HCN2: variants seen among roughly 807,000 people sequenced by gnomAD.
HCN2 encodes hyperpolarization activated cyclic nucleotide gated potassium and sodium channel 2, also known as potassium/sodium hyperpolarization-activated cyclic nucleotide-gated channel 2.
A neutral mutation model predicts 52.3 loss-of-function variants in HCN2; 20 were observed. That is an observed-to-expected ratio of 0.38 (90% CI 0.27 to 0.56). HCN2 has a LOEUF of 0.56. Among genes scored for constraint, HCN2 ranks in the 20% least tolerant of loss-of-function variants. The pLI is 0.71. For synonymous variants in HCN2, 694 were observed against 537.0 expected (o/e 1.29, Z -4.04); for missense variants, 981 against 1,207.7 (o/e 0.81, Z 2.78).
chr19:606,776 C>T (rs749570782), intron 3 of HCN2, among the ~76,000 whole-genome samples: 5 of 151,428 alleles, frequency 3.3e-5, no homozygotes, highest in Non-Finnish European at 7.4e-5. Context: ...CGCTTGAACC[C>T]GGGAGCAGAG....
rs1983883213 is a variant in HCN2 at position 615,872 on chromosome 19, A to G, written c.2068A>G (p.Ile690Val). The G allele has an allele frequency of 1.9e-6, 3 of 1,613,080 alleles. No individual in the cohort carries two copies. The highest frequency in any genetic ancestry group is 2.5e-6 in the Non-Finnish European group (3 of 1,179,894). Reference sequence around the variant, plus strand: ...CGTATTCAACAACCAGGAGAACGCCATCATCCAGGAGATCGTCAAGTACGA... The same window carrying G: ...CGTATTCAACAACCAGGAGAACGCCGTCATCCAGGAGATCGTCAAGTACGA... ...SGVFNNQENA[I>V]IQEIVKYDRE... The change falls in exon 8 of 8, where the codon ATC becomes GTC. Residue 690 changes from isoleucine (I) to valine (V), a missense_variant. Ile to Val is a conservative substitution (Grantham distance 29). This residue lies in a region of HCN2 where 368 missense variants were observed against 314.8 expected (regional missense o/e 1.17). Coordinates refer to ENST00000251287, the MANE Select transcript of HCN2 (RefSeq NM_001194.4).
At chr19:608,543 C>G (rs1983501373) in intron 4 of HCN2, among the ~76,000 whole-genome samples, 1 of 151,788 alleles carries the variant, frequency 6.6e-6, no homozygotes, top group Non-Finnish European at 1.5e-5. Context: ...GTTCTCTGAC[C>G]CTGTGACAGG....
Position 613,910 on chromosome 19 carries a change from C to T in HCN2, c.1884C>T (p.Cys628=), listed in dbSNP as rs1401681593. 9 of 1,601,472 alleles carry T rather than the reference C, an allele frequency of 5.6e-6. No homozygotes were observed. Among genetic ancestry groups the T allele is most frequent in the African/African-American group, 1.4e-5 (1 of 73,434 alleles). The part of the protein sequence containing the change: ...RTASVRADTY[C]RLYSLSVDNF... The stretch of plus-strand genomic sequence containing the variant: ...CGAGCGTGCGGGCTGACACCTACTG[C>T]CGCCTCTATTCGCTGAGCGTGGACA... The change falls in exon 7 of 8, where the codon TGC becomes TGT. Residue 628 remains cysteine (C), a synonymous_variant. Transcript: ENST00000251287.
intron 1 of HCN2, among the ~76,000 whole-genome samples, chr19:602,608 C>T (rs998791190): frequency 6.6e-6 from 1 of 152,192 alleles, no homozygotes; most frequent in African/African-American, 2.4e-5. Context: ...TCCCTGTGCG[C>T]GCCGCCCTGC....
chr19:607,028 T>C (rs1251108434), intron 3 of HCN2, among the ~76,000 whole-genome samples: 3 of 140,686 alleles, frequency 2.1e-5, no homozygotes, highest in African/African-American at 5.3e-5. Flanking sequence ...CAAAACTAGC[T>C]TGGCGTGGTG....
At chr19:611,038 G>A (rs972369005) in intron 5 of HCN2, among the ~76,000 whole-genome samples, 4 of 150,150 alleles carry the variant, frequency 2.7e-5, no homozygotes, top group Admixed American at 1.3e-4. Flanking sequence ...CTTCTCCCCT[G>A]TGTGTCTCTG....
chr19:613,256 C>G lies in HCN2; in HGVS notation c.1593C>G (p.Val531=). The change falls in exon 6 of 8, where the codon GTC becomes GTG. Residue 531 remains valine, a synonymous_variant. Coordinates refer to ENST00000251287, the MANE Select transcript of HCN2 (RefSeq NM_001194.4). ...ELNGPLREEI[V]NFNCRKLVAS... ...CTGCCTCCCCCCTGCAGGAGATCGT[C>G]AACTTCAACTGCCGGAAGCTGGTGG... The G allele has an allele frequency of 6.2e-7, 1 of 1,611,802 alleles. No homozygotes were observed. Among genetic ancestry groups the G allele is most frequent in the Non-Finnish European group, 8.5e-7 (1 of 1,179,496 alleles).
At chr19:614,108 G>C (rs1271434398) in intron 7 of HCN2, 92 bp downstream of exon 7, 1 of 750,020 alleles carries the variant, frequency 1.3e-6, no homozygotes, top group South Asian at 3.1e-5. Flanking sequence ...CAGTGGCAGG[G>C]GGAAGGGCGT....
rs1555732573 is a variant in HCN2 at position 615,777 on chromosome 19, A to ACGCCCCCTCTGC, written c.1991-8_1991-7insGCCGCCCCCTCT. The ACGCCCCCTCTGC allele has an allele frequency of 6.7e-5, 108 of 1,609,744 alleles. No homozygotes were observed. In the African/African-American group the frequency reaches 1.2e-3, roughly 19 times the overall value. On this transcript the variant is annotated splice_polypyrimidine_tract_variant and intron_variant, in intron 7 of 7. Transcript: ENST00000251287. ...GCAGGCGCTCCCTGTGCACACGCTAACGCCCCCTCTCCCGCAGGCAAGAAG... is the reference window on the plus strand; with the variant it reads ...GCAGGCGCTCCCTGTGCACACGCTAACGCCCCCTCTGCCGCCCCCTCTCCCGCAGGCAAGAAG...
Position 590,615 on chromosome 19 carries a change from C to CCGGGGAGCCGGGCGCG in HCN2, c.632+49_632+64dup. On this transcript the variant is annotated intron_variant, in intron 1 of 7. Transcript: ENST00000251287. This position sits in a 1 kb window ranked among gnomAD's most constrained non-coding sequence, Gnocchi z 7.2. Reference sequence around the variant, plus strand: ...GGAGGGCCGGTCGGCGCGAGGGGGCCCGGGGAGCCGGGCGCGCGGGGAGCC... The same window carrying CCGGGGAGCCGGGCGCG: ...GGAGGGCCGGTCGGCGCGAGGGGGCCCGGGGAGCCGGGCGCGCGGGGAGCCGGGCGCGCGGGGAGCC... 4 of 1,306,602 alleles carry CCGGGGAGCCGGGCGCG rather than the reference C, an allele frequency of 3.1e-6. No individual in the cohort carries two copies. Among genetic ancestry groups the CCGGGGAGCCGGGCGCG allele is most frequent in the Non-Finnish European group, 3.9e-6 (4 of 1,015,798 alleles). The allele number at this position is 1,306,602 out of a possible 1,614,324, so 80.9% of individuals were successfully genotyped here.
Position 614,016 on chromosome 19 carries a change from G to C in HCN2, c.1990G>C (p.Gly664Arg). 3 of 966,204 alleles carry C rather than the reference G, an allele frequency of 3.1e-6. No homozygotes were observed. The highest frequency in any genetic ancestry group is 2.9e-5 in the East Asian group (1 of 34,648). The allele number at this position is 966,204 out of a possible 1,614,324, so 59.9% of individuals were successfully genotyped here. A position where few individuals can be genotyped will look rare whatever the true frequency, so the allele number is the denominator to read the frequency against. Residue 664 changes from glycine to arginine, a missense_variant and splice_region_variant, in exon 7 of 8, where the codon GGC becomes CGC. Gly to Arg is a moderately radical substitution (Grantham distance 125). Transcript: ENST00000251287. ...GGCCATCGACCGCCTGGACCGCATC[G>C]GTGAGCGGGCCGGGGGCGTGGCCGG... is the stretch of plus-strand genomic sequence containing the variant. ...TVAIDRLDRIGKKNSILLHKV... is the reference protein window; with the variant it reads ...TVAIDRLDRIRKKNSILLHKV...
intron 1 of HCN2, among the ~76,000 whole-genome samples, chr19:597,388 C>T (rs1470495751): frequency 6.6e-6 from 1 of 152,210 alleles, no homozygotes; most frequent in Non-Finnish European, 1.5e-5. Context: ...GGGAGAATGT[C>T]TGTTAATCAT....
At chr19:614,537 CGGGG>C (rs1568369378) in intron 7 of HCN2, among the ~76,000 whole-genome samples, 1 of 152,048 alleles carries the variant, frequency 6.6e-6, no homozygotes, top group African/African-American at 2.4e-5. Flanking sequence ...CATGTGGAAA[CGGGG>C]AGGAAGATGT....
intron 2 of HCN2, 39 bp from the exon 3 acceptor site, chr19:605,022 G>T: frequency 6.3e-7 from 1 of 1,588,572 alleles, no homozygotes; most frequent in Non-Finnish European, 8.6e-7. Context: ...GGGGGCCGGG[G>T]GTCAGCGGGT....
rs182134490 is a variant in HCN2 at position 594,972 on chromosome 19, G to A, written c.632+4395G>A. Among the ~76,000 whole-genome samples the A allele has an allele frequency of 5.9e-5, 9 of 152,186 alleles. No homozygotes were observed. In the East Asian group the frequency reaches 7.7e-4, roughly 13 times the overall value. On this transcript the variant is annotated intron_variant, in intron 1 of 7. Coordinates refer to ENST00000251287, the MANE Select transcript of HCN2 (RefSeq NM_001194.4). ...TGCCAGTACTTTGGGAGGCGGAGGC[G>A]GGAGGATCGCTTGAGCCCAGGAGTT...
chr19:590,260 C>T lies in HCN2; in HGVS notation c.315C>T (p.Gly105=), dbSNP rs1279831842. 1 of 989,330 alleles carries T rather than the reference C, an allele frequency of 1.0e-6. No homozygotes were observed. Among genetic ancestry groups the T allele is most frequent in the Non-Finnish European group, 1.2e-6 (1 of 834,328 alleles). 61.3% of individuals were successfully genotyped at this position (989,330 alleles called of 1,614,324 possible). A position where few individuals can be genotyped will look rare whatever the true frequency, so the allele number is the denominator to read the frequency against. The change falls in exon 1 of 8, where the codon GGC becomes GGT. Residue 105 remains glycine, a synonymous_variant. Transcript: ENST00000251287. This position sits in a 1 kb window ranked among gnomAD's most constrained non-coding sequence, Gnocchi z 7.2. ...GCCCGAACGGCGAGTGCGGGCGCGG[C>T]GAGCCGCAGTGCAGCCCCGCGGGGC... The part of the protein sequence containing the change: ...KGSPNGECGR[G]EPQCSPAGPE...
At position 608,053 on chromosome 19, in the gene HCN2, G is replaced by A. The variant is rs1983482715; in HGVS notation, c.1308G>A (p.Glu436=). 1 of 1,613,042 alleles carries A rather than the reference G, an allele frequency of 6.2e-7. No individual in the cohort carries two copies. The highest frequency in any genetic ancestry group is 1.3e-5 in the African/African-American group (1 of 75,068). Residue 436 remains glutamate (E), a synonymous_variant, in exon 4 of 8, where the codon GAG becomes GAA. Coordinates refer to ENST00000251287, the MANE Select transcript of HCN2 (RefSeq NM_001194.4). The stretch of plus-strand genomic sequence containing the variant: ...TCGGGTACGGCCGGCAGGCGCCCGA[G>A]AGCATGACGGACATCTGGCTGACCA... ...LCIGYGRQAP[E]SMTDIWLTML...
chr19:610,526 C>T lies in HCN2; in HGVS notation c.1584+121C>T, dbSNP rs544148474. The T allele has an allele frequency of 6.3e-4, 526 of 834,776 alleles. 4 individuals are homozygous for T. In the East Asian group the frequency reaches 7.8e-3, roughly 12 times the overall value. 51.7% of individuals were successfully genotyped at this position (834,776 alleles called of 1,614,324 possible). On this transcript the variant is annotated intron_variant, in intron 5 of 7. Coordinates refer to ENST00000251287, the MANE Select transcript of HCN2 (RefSeq NM_001194.4). Reference sequence around the variant, plus strand: ...TGCCTAGGCTGCAGCAGGAGGGACTCGAGCTAGACCTGCGTACACACCCTC... The same window carrying T: ...TGCCTAGGCTGCAGCAGGAGGGACTTGAGCTAGACCTGCGTACACACCCTC...
rs1310125429 is a variant in HCN2 at position 590,049 on chromosome 19, C to T, written c.104C>T (p.Pro35Leu). ...CCGCCCGCGCCCCCCCAACAGCAGCCGCCGCCGCCGCCGCCGCCCGCGCCC... is the reference window on the plus strand; with the variant it reads ...CCGCCCGCGCCCCCCCAACAGCAGCTGCCGCCGCCGCCGCCGCCCGCGCCC... ...PPPPAPPQQQ[P>L]PPPPPPAPPP... The change falls in exon 1 of 8, where the codon CCG becomes CTG. Residue 35 changes from proline (P) to leucine (L), a missense_variant. Pro to Leu is a moderately conservative substitution (Grantham distance 98). This residue lies in a region of HCN2 where 215 missense variants were observed against 179.4 expected (regional missense o/e 1.20). Transcript: ENST00000251287. This position sits in a 1 kb window ranked among gnomAD's most constrained non-coding sequence, Gnocchi z 7.2. 8.8e-6 allele frequency: 5 copies of T among 571,218 alleles called. No individual in the cohort carries two copies. Among genetic ancestry groups the T allele is most frequent in the Non-Finnish European group, 1.1e-5 (5 of 461,012 alleles). The allele number at this position is 571,218 out of a possible 1,614,324, so 35.4% of individuals were successfully genotyped here.
Sources: gnomAD v4.1 joint callset for allele counts (sites outside exome capture counted in the v4.1 genomes callset) on GRCh38, gnomAD v4.1.1 for gene constraint, gnomAD v4.1.1 regional missense constraint, Gnocchi (gnomAD v3.1) non-coding constraint, MANE v1.5 for transcripts, NCBI Gene and HGNC (gene_info 2026-07-23, HGNC 2026-07-21) for gene names.